The following MARCHF3 variants were observed in gnomAD, a reference collection of about 807,000 sequenced individuals.
The protein encoded by MARCHF3 is membrane associated ring-CH-type finger 3.
MARCHF3 carries 13 observed loss-of-function variants against 24.2 expected under a neutral mutation model. The ratio of observed to expected loss-of-function variants is 0.54; its 90% CI spans 0.35 to 0.85. The LOEUF (loss-of-function observed/expected upper bound fraction) is 0.85, where lower values mean the gene tolerates loss of function less well. Among genes scored for constraint, MARCHF3 ranks in the 40% least tolerant of loss-of-function variants. The probability of loss-of-function intolerance (pLI) is 0.01; values close to 1 mark genes in which losing one functional copy is unlikely to be tolerated. For synonymous variants in MARCHF3, 144 were observed against 137.3 expected, an observed-to-expected ratio of 1.05 and a Z score of -0.34; for missense variants, 276 against 325.0, an observed-to-expected ratio of 0.85 and a Z score of 1.16.
chr5:126,946,761 G>GGGGTGTGTGT (rs1186024076), intron 1 of MARCHF3, among the ~76,000 whole-genome samples: 19 of 136,044 alleles, frequency 1.4e-4, no homozygotes, highest in East Asian at 4.5e-4. Flanking sequence ...TGTAAGTAGG[G>GGGGTGTGTGT]GTGTGTGTGT....
At chr5:127,011,962 G>C (rs1300568712) in intron 1 of MARCHF3, among the ~76,000 whole-genome samples, 2 of 152,182 alleles carry the variant, frequency 1.3e-5, no homozygotes, top group Non-Finnish European at 1.5e-5. Context: ...GGTTGTCTTG[G>C]CTAATATTTT....
intron 1 of MARCHF3, among the ~76,000 whole-genome samples, chr5:127,028,390 G>A (rs1019310777): frequency 6.6e-6 from 1 of 152,110 alleles, no homozygotes; most frequent in African/African-American, 2.4e-5. Flanking sequence ...TTGTGATAAA[G>A]CCTTTTTATT....
intron 3 of MARCHF3, among the ~76,000 whole-genome samples, chr5:126,910,701 T>C (rs1754489055): frequency 6.6e-6 from 1 of 152,226 alleles, no homozygotes; most frequent in Non-Finnish European, 1.5e-5. Context: ...CCTGTGATGA[T>C]TGCATTAACT....
chr5:126,870,519 TTC>T lies in MARCHF3; in HGVS notation c.*112_*113del. 1.1e-6 allele frequency: 1 copy of T among 912,900 alleles called. No homozygotes were observed. Among genetic ancestry groups the T allele is most frequent in the Non-Finnish European group, 1.7e-6 (1 of 584,712 alleles). The allele number at this position is 912,900 out of a possible 1,614,324, so 56.5% of individuals were successfully genotyped here. On this transcript the variant is annotated 3_prime_UTR_variant, in exon 5 of 5. Transcript: ENST00000308660. Reference sequence around the variant, plus strand: ...GTGATGTGCTAATATGCTCTGGATGTTCTTAGACCCACAGGCTTAAGGAAGGG... The same window carrying T: ...GTGATGTGCTAATATGCTCTGGATGTTTAGACCCACAGGCTTAAGGAAGGG...
intron 1 of MARCHF3, among the ~76,000 whole-genome samples, chr5:126,995,008 T>C (rs1459227702): frequency 6.6e-6 from 1 of 152,250 alleles, no homozygotes; most frequent in Non-Finnish European, 1.5e-5. Context: ...CACCTTCTTC[T>C]GCCTGCTTTA....
chr5:126,926,061 A>G (rs1165384819), intron 1 of MARCHF3, among the ~76,000 whole-genome samples: 2 of 152,204 alleles, frequency 1.3e-5, no homozygotes, highest in African/African-American at 2.4e-5. Context: ...TCAGCATCCA[A>G]GTGAAAGCCT....
chr5:126,901,710 A>C (rs891828123), intron 3 of MARCHF3, among the ~76,000 whole-genome samples: 1 of 152,126 alleles, frequency 6.6e-6, no homozygotes, highest in African/African-American at 2.4e-5. Flanking sequence ...TGCATATTCT[A>C]TAACTCTGCT....
At chr5:127,023,784 A>T (rs1580501859) in intron 1 of MARCHF3, among the ~76,000 whole-genome samples, 1 of 150,638 alleles carries the variant, frequency 6.6e-6, no homozygotes, top group Admixed American at 6.6e-5. Context: ...AAATAAAAAT[A>T]AAAAATAAAA....
intron 1 of MARCHF3, among the ~76,000 whole-genome samples, chr5:126,933,068 T>C (rs995673792): frequency 2.0e-5 from 3 of 152,164 alleles, no homozygotes; most frequent in Admixed American, 6.5e-5. Context: ...ACTGGGCACA[T>C]AGTGGGAAAT....
intron 1 of MARCHF3, among the ~76,000 whole-genome samples, chr5:126,936,105 G>A (rs1384706398): frequency 1.3e-5 from 2 of 152,120 alleles, no homozygotes; most frequent in African/African-American, 2.4e-5. Flanking sequence ...GGGCAGAGAT[G>A]ACATGGGCTT....
At position 126,983,484 on chromosome 5, in the gene MARCHF3, C is replaced by G. The variant is rs141202904; in HGVS notation, c.-57+46866G>C. ...CAGAACTTTGACTTAGGGCAGGGAT[C>G]TAAATATGGCAGGACTCAAATTCTC... On this transcript the variant is annotated intron_variant, in intron 1 of 4. Transcript: ENST00000308660. Among the ~76,000 whole-genome samples, 45 of 152,298 alleles carry G rather than the reference C, an allele frequency of 3.0e-4. No individual in the cohort carries two copies. The East Asian group carries it at 8.1e-3, about 27-fold the overall frequency.
At chr5:126,896,309 C>G (rs1753909489) in intron 3 of MARCHF3, among the ~76,000 whole-genome samples, 1 of 152,122 alleles carries the variant, frequency 6.6e-6, no homozygotes, top group African/African-American at 2.4e-5. Flanking sequence ...GGAGCTGTTC[C>G]TATTCGGCCA....
intron 1 of MARCHF3, among the ~76,000 whole-genome samples, chr5:126,933,796 A>G (rs1349693315): frequency 6.6e-6 from 1 of 152,196 alleles, no homozygotes; most frequent in African/African-American, 2.4e-5. Context: ...ACATAAAACT[A>G]AAAGCTGGGA....
intron 1 of MARCHF3, among the ~76,000 whole-genome samples, chr5:126,932,419 G>T (rs555998909): frequency 6.6e-6 from 1 of 152,346 alleles, no homozygotes; most frequent in East Asian, 1.9e-4. Flanking sequence ...GTCTTACCCA[G>T]TGGGTGCTCG....
In MARCHF3 at chr5:126,915,117, G is replaced by C. The variant is rs377229243; in HGVS notation, c.206C>G (p.Pro69Arg). 6.2e-7 allele frequency: 1 copy of C among 1,613,886 alleles called. No homozygotes were observed. The highest frequency in any genetic ancestry group is 8.5e-7 in the Non-Finnish European group (1 of 1,180,040). ...LATQSPFNDR[P>R]MCRICHEGSS... ...GCCCTCGTGGCAGATCCTGCACATC[G>C]GCCGGTCATTGAAGGGGCTGCAAGA... The change falls in exon 3 of 5, where the codon CCG (proline) becomes CGG (arginine). Residue 69 changes from proline (P) to arginine (R), a missense_variant. Transcript: ENST00000308660.
intron 1 of MARCHF3, among the ~76,000 whole-genome samples, chr5:126,972,933 C>A (rs2126830463): frequency 6.6e-6 from 1 of 152,344 alleles, no homozygotes; most frequent in South Asian, 2.1e-4. Context: ...CCGTACCCAA[C>A]AAAAGTGTAT....
rs570315741 is a variant in MARCHF3 at position 126,924,357 on chromosome 5, C to T, written c.-56-6130G>A. ...CTTAATACGTGGGGAGCACAGCCTT[C>T]TCTAATGAGACCAATGAATGGACAA... On this transcript the variant is annotated intron_variant, in intron 1 of 4. Coordinates refer to ENST00000308660, the MANE Select transcript of MARCHF3 (RefSeq NM_178450.5). Among the ~76,000 whole-genome samples, 40 of 152,266 alleles carry T rather than the reference C, an allele frequency of 2.6e-4. 1 individual carries two copies. In the South Asian group the frequency reaches 8.1e-3, roughly 31 times the overall value.
chr5:126,890,247 G>A (rs1252047741), intron 3 of MARCHF3, among the ~76,000 whole-genome samples: 2 of 151,524 alleles, frequency 1.3e-5, no homozygotes, highest in Non-Finnish European at 2.9e-5. Context: ...CTTGTCTTCA[G>A]AAAAGACATA....
chr5:127,018,701 G>A (rs1232302249), intron 1 of MARCHF3, among the ~76,000 whole-genome samples: 1 of 152,216 alleles, frequency 6.6e-6, no homozygotes, highest in Admixed American at 6.5e-5. Flanking sequence ...CAGAGGGTAA[G>A]TAATGAGGTC....
Sources: gnomAD v4.1 joint callset for allele counts (sites outside exome capture counted in the v4.1 genomes callset) on GRCh38, gnomAD v4.1.1 for gene constraint, MANE v1.5 for transcripts, NCBI Gene and HGNC (gene_info 2026-07-23, HGNC 2026-07-21) for gene names.